Variants in HECW2 observed in about 807,000 individuals in gnomAD.
HECW2 encodes the protein HECT, C2 and WW domain containing E3 ubiquitin protein ligase 2, also known as E3 ubiquitin-protein ligase HECW2.
A neutral mutation model predicts 175.2 loss-of-function variants in HECW2; 61 were observed. The ratio of observed to expected loss-of-function variants is 0.35; its 90% CI spans 0.28 to 0.43. The LOEUF is 0.43. HECW2 is among the 20% of genes least tolerant of loss of function. The pLI is 1.00. For synonymous variants in HECW2, 671 were observed against 731.0 expected (o/e 0.92, Z 1.32); for missense variants, 1,524 against 2,000.5 (o/e 0.76, Z 4.54).
rs778232954 is a variant in HECW2 at position 196,319,433 on chromosome 2, C to G, written c.1457G>C (p.Gly486Ala). 1 of 1,613,864 alleles carries G rather than the reference C, an allele frequency of 6.2e-7. No homozygotes were observed. Among genetic ancestry groups the G allele is most frequent in the South Asian group, 1.1e-5 (1 of 90,982 alleles). The change falls in exon 9 of 29, where the codon GGA becomes GCA. Residue 486 changes from glycine to alanine, a missense_variant. Physicochemically the swap from Gly to Ala is moderately conservative, Grantham distance 60 (BLOSUM62 0). Around this residue, in one of 11 missense-constraint regions of HECW2, gnomAD observed 604 missense variants for 588.3 expected, o/e 1.03. Transcript: ENST00000644978. ...LGYPSSLEEE[G>A]GLIMFSRASR... Reference sequence around the variant, plus strand: ...TGCCCTGCTAAACATGATCAGGCCTCCCTCCTCCTCCAAGGAAGATGGGTA... The same window carrying G: ...TGCCCTGCTAAACATGATCAGGCCTGCCTCCTCCTCCAAGGAAGATGGGTA...
At chr2:196,458,200 G>A (rs1696590887) in intron 1 of HECW2, among the ~76,000 whole-genome samples, 1 of 152,136 alleles carries the variant, frequency 6.6e-6, no homozygotes. Flanking sequence ...AGCCCAGGAG[G>A]TCAAGGCTGC....
At chr2:196,294,566 G>T (rs1429620407) in intron 13 of HECW2, among the ~76,000 whole-genome samples, 1 of 152,088 alleles carries the variant, frequency 6.6e-6, no homozygotes, top group African/African-American at 2.4e-5. Context: ...AAACCCCAAG[G>T]ACTCTAGAGT....
intron 1 of HECW2, among the ~76,000 whole-genome samples, chr2:196,523,594 AT>A (rs1688506656): frequency 1.3e-5 from 2 of 151,166 alleles, no homozygotes; most frequent in Admixed American, 6.6e-5. Flanking sequence ...CCCATTCAGT[AT>A]GATATTGGCT....
At chr2:196,379,699 AAAAAC>A (rs1412816353) in intron 2 of HECW2, among the ~76,000 whole-genome samples, 3,432 of 22,150 alleles carry the variant, frequency 0.15, 50 homozygotes, top group South Asian at 0.37. Flanking sequence ...AAAAAAAAAA[AAAAAC>A]AAAAAGATTA....
At chr2:196,566,078 CTTGCCAAATAAATGAA>C (rs2125506278) in intron 1 of HECW2, among the ~76,000 whole-genome samples, 2 of 152,040 alleles carry the variant, frequency 1.3e-5, no homozygotes, top group African/African-American at 4.8e-5. Context: ...CTAAGAATAT[CTTGCCAAATAAATGAA>C]TTGCTTTTAG....
At chr2:196,374,051 A>AAATG in intron 2 of HECW2, among the ~76,000 whole-genome samples, 1 of 151,570 alleles carries the variant, frequency 6.6e-6, no homozygotes, top group Non-Finnish European at 1.5e-5. Flanking sequence ...AAAATAAAAT[A>AAATG]AATAAATAAA....
chr2:196,565,415 T>TA (rs947543498), intron 1 of HECW2, among the ~76,000 whole-genome samples: 25 of 152,004 alleles, frequency 1.6e-4, no homozygotes, highest in African/African-American at 5.3e-4. Flanking sequence ...ATGCTAAGTT[T>TA]AAAAAAAAAT....
At chr2:196,547,906 G>T (rs1689478004) in intron 1 of HECW2, among the ~76,000 whole-genome samples, 1 of 152,148 alleles carries the variant, frequency 6.6e-6, no homozygotes, top group Non-Finnish European at 1.5e-5. Context: ...GAATCATATT[G>T]TAAGACATCA....
At chr2:196,328,755 T>C (rs1692247373) in intron 5 of HECW2, among the ~76,000 whole-genome samples, 1 of 152,216 alleles carries the variant, frequency 6.6e-6, no homozygotes, top group South Asian at 2.1e-4. Flanking sequence ...AGCATAGTTA[T>C]CTGTTTTAAA....
chr2:196,359,483 T>A (rs767208457), intron 2 of HECW2, among the ~76,000 whole-genome samples: 5 of 151,488 alleles, frequency 3.3e-5, no homozygotes, highest in Non-Finnish European at 5.9e-5. Flanking sequence ...AACAAAACCA[T>A]GCATATATTA....
intron 1 of HECW2, among the ~76,000 whole-genome samples, chr2:196,476,142 C>A (rs1229672967): frequency 1.1e-4 from 16 of 144,436 alleles, no homozygotes; most frequent in South Asian, 2.2e-4. Flanking sequence ...GTTTCCTCAT[C>A]AAAAAAAAAA....
At chr2:196,551,558 T>C (rs1559171876) in intron 1 of HECW2, among the ~76,000 whole-genome samples, 1 of 152,198 alleles carries the variant, frequency 6.6e-6, no homozygotes, top group Admixed American at 6.5e-5. Flanking sequence ...ATTCAAAATA[T>C]ACAAATGTCT....
chr2:196,365,882 T>C (rs1001201688), intron 2 of HECW2, among the ~76,000 whole-genome samples: 16 of 152,110 alleles, frequency 1.1e-4, no homozygotes, highest in African/African-American at 3.4e-4. Flanking sequence ...TGAAGAAAAC[T>C]AGGGGATAGA....
In HECW2 at chr2:196,334,689, T is replaced by C. The variant is rs1334296493; in HGVS notation, c.401-171A>G. On this transcript the variant is annotated intron_variant, in intron 3 of 28. Coordinates refer to ENST00000644978, the MANE Select transcript of HECW2 (RefSeq NM_001348768.2). ...ACATCAATTTCTGTTTGATTTTATA[T>C]GCTCCTCCAAAACTTTGTAACCTCT... Among the ~76,000 whole-genome samples the C allele has an allele frequency of 4.6e-5, 7 of 152,204 alleles. 2 individuals are homozygous for C. The highest frequency in any genetic ancestry group is 1.7e-4 in the African/African-American group (7 of 41,454).
chr2:196,466,160 T>C (rs1306776152), intron 1 of HECW2, among the ~76,000 whole-genome samples: 2 of 152,144 alleles, frequency 1.3e-5, no homozygotes, highest in Admixed American at 6.5e-5. Context: ...ATCCATGAGG[T>C]TGACAGTGAG....
chr2:196,484,943 T>C (rs970019002), intron 1 of HECW2, among the ~76,000 whole-genome samples: 4 of 152,152 alleles, frequency 2.6e-5, no homozygotes, highest in African/African-American at 9.7e-5. Flanking sequence ...GATGAAACTG[T>C]TAGAGGTTCT....
At chr2:196,378,492 A>G (rs918452066) in intron 2 of HECW2, among the ~76,000 whole-genome samples, 1 of 152,198 alleles carries the variant, frequency 6.6e-6, no homozygotes, top group African/African-American at 2.4e-5. Context: ...ACACATGAAA[A>G]TAAAATGTTT....
chr2:196,202,118 G>A (rs994674740), intron 28 of HECW2, among the ~76,000 whole-genome samples: 1 of 152,024 alleles, frequency 6.6e-6, no homozygotes, highest in African/African-American at 2.4e-5. Context: ...TCTCCAAATA[G>A]TACATCTTAT....
chr2:196,222,262 G>A lies in HECW2; in HGVS notation c.4095C>T (p.Ile1365=). 1 of 1,613,788 alleles carries A rather than the reference G, an allele frequency of 6.2e-7. No homozygotes were observed. The highest frequency in any genetic ancestry group is 8.5e-7 in the Non-Finnish European group (1 of 1,179,826). ...QSLQWMKDND[I]HDILDLTFTV... Reference sequence around the variant, plus strand: ...TGAACGTGAGGTCTAGGATGTCATGGATATCATTGTCTTTCATCCACTGCA... The same window carrying A: ...TGAACGTGAGGTCTAGGATGTCATGAATATCATTGTCTTTCATCCACTGCA... Residue 1365 remains isoleucine (I), a synonymous_variant, in exon 24 of 29, where the codon ATC becomes ATT. Coordinates refer to ENST00000644978, the MANE Select transcript of HECW2 (RefSeq NM_001348768.2).
Sources: allele counts gnomAD v4.1 joint callset (sites outside exome capture counted in the v4.1 genomes callset), GRCh38; gene constraint gnomAD v4.1.1; regional missense constraint gnomAD v4.1.1; transcripts MANE v1.5; gene names NCBI Gene and HGNC (gene_info 2026-07-23, HGNC 2026-07-21).